Variants in UPF3B observed in about 807,000 individuals in gnomAD.
UPF3B encodes UPF3B regulator of nonsense mediated mRNA decay, also known as regulator of nonsense transcripts 3B.
Under a neutral mutation model 40.3 loss-of-function variants are expected in UPF3B, and 7 were observed. The ratio of observed to expected loss-of-function variants is 0.17; its 90% confidence interval spans 0.10 to 0.33. UPF3B has a LOEUF of 0.33. Ranked by LOEUF, UPF3B falls within the 10% of genes least tolerant of loss-of-function variation. The pLI is 1.00. For missense variants in UPF3B, 229 were observed against 358.9 expected (o/e 0.64, Z 2.93); for synonymous variants, 117 against 117.3 (o/e 1.00, Z 0.01).
intron 3 of UPF3B, among the ~76,000 whole-genome samples, chrX:119,827,316 C>T (rs750235277): frequency 1.8e-5 from 2 of 110,810 alleles, no homozygotes; most frequent in African/African-American, 3.3e-5. Flanking sequence ...CTAGGTGCTG[C>T]GAGCAAGAGA....
At chrX:119,841,324 G>C (rs2147787444) in intron 6 of UPF3B, 66 bp from the exon 7 acceptor site, 14 of 1,195,004 alleles carry the variant, frequency 1.2e-5, no homozygotes, top group African/African-American at 1.7e-5. Context: ...AATAAATCCT[G>C]AAGTCATGGT....
chrX:119,805,381 A>T (rs2055782057), exon 7 of UPF3B: 1 of 189,074 alleles, frequency 5.3e-6, no homozygotes, highest in Admixed American at 9.4e-5. Flanking sequence ...TTTAACAGGA[A>T]CAGACATTGA....
intron 1 of UPF3B, 36 bp from the exon 2 acceptor site, chrX:119,851,909 A>C: frequency 1.0e-6 from 1 of 985,538 alleles, no homozygotes; most frequent in Non-Finnish European, 1.4e-6. Context: ...AATTAGTACA[A>C]ATCAGTTTTC....
chrX:119,808,634 G>A (rs897672545), intron 5 of UPF3B, among the ~76,000 whole-genome samples: 2 of 102,817 alleles, frequency 1.9e-5, no homozygotes, highest in African/African-American at 7.1e-5. Context: ...AGAGGGTGGG[G>A]TGGGGACGTG....
At chrX:119,851,706 G>T in intron 2 of UPF3B, 61 bp downstream of exon 2, 1 of 933,150 alleles carries the variant, frequency 1.1e-6, no homozygotes, top group East Asian at 3.7e-5. Context: ...AAAAACAGTA[G>T]GATAAAAAGA....
intron 5 of UPF3B, among the ~76,000 whole-genome samples, chrX:119,814,991 G>A (rs769392666): frequency 8.6e-5 from 9 of 104,927 alleles, no homozygotes; most frequent in Middle Eastern, 0.01. Context: ...TCAGCCTCCC[G>A]AGTACCTGGG....
chrX:119,827,319 G>A (rs961131482), intron 3 of UPF3B, among the ~76,000 whole-genome samples: 6 of 111,480 alleles, frequency 5.4e-5, no homozygotes, highest in African/African-American at 2.0e-4. Flanking sequence ...GGTGCTGCGA[G>A]CAAGAGACAA....
At chrX:119,825,110 T>C (rs1229595771) in intron 3 of UPF3B, among the ~76,000 whole-genome samples, 2 of 111,448 alleles carry the variant, frequency 1.8e-5, no homozygotes, top group South Asian at 7.4e-4. Context: ...GTTTTCACAC[T>C]GGTAGAAAGA....
Position 119,845,211 on chromosome X carries a change from C to G in UPF3B, c.456G>C (p.Gly152=), listed in dbSNP as rs1332271471. 7 of 1,204,133 alleles carry G rather than the reference C, an allele frequency of 5.8e-6. No homozygotes were observed. The highest frequency in any genetic ancestry group is 7.9e-6 in the Non-Finnish European group (7 of 890,018). The part of the protein sequence containing the change: ...KKTKKRDTKV[G]TIDDDPEYRK... ...GCTATACTGTACCATCATCGATAGTCCCGACTTTGGTATCTCTTTTCTTAG... is the reference window on the plus strand; with the variant it reads ...GCTATACTGTACCATCATCGATAGTGCCGACTTTGGTATCTCTTTTCTTAG... The change falls in exon 4 of 11, where the codon GGG becomes GGC. Residue 152 remains glycine, a synonymous_variant. Coordinates refer to ENST00000276201, the MANE Select transcript of UPF3B (RefSeq NM_080632.3).
intron 3 of UPF3B, among the ~76,000 whole-genome samples, chrX:119,827,285 G>A (rs1307524943): frequency 9.0e-6 from 1 of 111,457 alleles, no homozygotes; most frequent in Non-Finnish European, 1.9e-5. Flanking sequence ...ATTCCTTGGG[G>A]ATGGATGAAA....
chrX:119,815,384 T>C (rs1189598163), intron 4 of UPF3B: 4 of 419,092 alleles, frequency 9.5e-6, no homozygotes, highest in East Asian at 3.9e-4. Flanking sequence ...TCATAACTTA[T>C]ATATTAATAT....
intron 6 of UPF3B, 143 bp from the exon 7 acceptor site, chrX:119,841,401 A>C: frequency 1.0e-6 from 1 of 983,768 alleles, no homozygotes; most frequent in Non-Finnish European, 1.4e-6. Flanking sequence ...CGTTATCCCC[A>C]CTCCACCCAG....
chrX:119,836,027 C>A (rs1468496904), intron 10 of UPF3B, among the ~76,000 whole-genome samples: 5 of 110,767 alleles, frequency 4.5e-5, no homozygotes, highest in African/African-American at 1.3e-4. Context: ...TTCAAGGAAG[C>A]ATAATTTGTG....
At chrX:119,808,246 A>G (rs911937268) in intron 5 of UPF3B, among the ~76,000 whole-genome samples, 19 of 111,434 alleles carry the variant, frequency 1.7e-4, no homozygotes, top group African/African-American at 6.2e-4. Context: ...TGCCTACAAC[A>G]CAAGAAAGGA....
downstream of UPF3B, among the ~76,000 whole-genome samples, chrX:119,833,681 T>C (rs899027869): frequency 8.9e-6 from 1 of 111,981 alleles, no homozygotes; most frequent in African/African-American, 3.2e-5. Flanking sequence ...TAATTTTGTA[T>C]TTTTAGTAGA....
chrX:119,824,760 C>A (rs1053889256), intron 3 of UPF3B, among the ~76,000 whole-genome samples: 7 of 84,304 alleles, frequency 8.3e-5, no homozygotes, highest in Middle Eastern at 0.013. Flanking sequence ...ATCTCCATTT[C>A]TTTCTTTTTT....
chrX:119,831,128 C>T (rs777311576), downstream of UPF3B, among the ~76,000 whole-genome samples: 4 of 111,866 alleles, frequency 3.6e-5, no homozygotes, highest in South Asian at 1.1e-3. Flanking sequence ...ACTTCCAATT[C>T]GGAACCTCTG....
intron 5 of UPF3B, among the ~76,000 whole-genome samples, chrX:119,842,629 CAGAG>C (rs1556380064): frequency 1.9e-5 from 2 of 107,249 alleles, no homozygotes; most frequent in Middle Eastern, 4.7e-3. Context: ...CACACACACA[CAGAG>C]AGAGAGCGAG....
chrX:119,819,842 C>CTTTTTTTTT (rs34094727), intron 4 of UPF3B, among the ~76,000 whole-genome samples: 1 of 68,642 alleles, frequency 1.5e-5, no homozygotes, highest in African/African-American at 6.0e-5. Context: ...TCTATTTTTC[C>CTTTTTTTTT]TTTTTTTTTT....
Sources: gnomAD v4.1 joint callset for allele counts (sites outside exome capture counted in the v4.1 genomes callset) on GRCh38, gnomAD v4.1.1 for gene constraint, MANE v1.5 for transcripts, NCBI Gene and HGNC (gene_info 2026-07-23, HGNC 2026-07-21) for gene names.